The following ATRX variants were observed in gnomAD, a reference collection of about 807,000 sequenced individuals.
ATRX encodes the protein ATRX chromatin remodeler.
ATRX carries 12 observed loss-of-function variants against 172.6 expected under a neutral mutation model. The ratio of observed to expected loss-of-function variants is 0.07; its 90% CI spans 0.04 to 0.11. ATRX has a LOEUF of 0.11. Among genes scored for constraint, ATRX ranks in the 10% least tolerant of loss-of-function variants. The probability of loss-of-function intolerance (pLI) is 1.00; values close to 1 mark genes in which losing one functional copy is unlikely to be tolerated. For missense variants in ATRX, 1,368 were observed against 1,767.4 expected, an observed-to-expected ratio of 0.77 and a Z score of 4.05; for synonymous variants, 674 against 594.7, an observed-to-expected ratio of 1.13 and a Z score of -1.94.
At chrX:77,689,586 T>C (rs1431899125) in intron 6 of ATRX, among the ~76,000 whole-genome samples, 1 of 112,001 alleles carries the variant, frequency 8.9e-6, no homozygotes, top group Non-Finnish European at 1.9e-5. Flanking sequence ...CAGCAAAACA[T>C]CAGAACGACT....
intron 22 of ATRX, among the ~76,000 whole-genome samples, chrX:77,607,300 G>T (rs1479352636): frequency 2.7e-5 from 3 of 112,409 alleles, no homozygotes; most frequent in African/African-American, 3.2e-5. Flanking sequence ...AAAGTGGCAA[G>T]TAACAAAATC....
chrX:77,706,749 A>T (rs782585947), intron 2 of ATRX, among the ~76,000 whole-genome samples: 13 of 110,157 alleles, frequency 1.2e-4, no homozygotes, highest in African/African-American at 2.6e-4. Context: ...AATAAAAAAA[A>T]AAAAATACTA....
intron 13 of ATRX, among the ~76,000 whole-genome samples, chrX:77,655,540 G>C (rs1328939905): frequency 2.7e-5 from 3 of 110,484 alleles, no homozygotes; most frequent in Non-Finnish European, 5.7e-5. Flanking sequence ...TAGAGTACGA[G>C]GGCATGGGGA....
At position 77,583,448 on chromosome X, in the gene ATRX, T is replaced by G. The variant is rs781885326; in HGVS notation, c.6217+6386A>C. On this transcript the variant is annotated intron_variant, in intron 27 of 34. Transcript: ENST00000373344. Reference sequence around the variant, plus strand: ...CTGAAGCAGGAGAATCACTTGAACCTGCAAGGCAGAGACTGCGGTGAGCCA... The same window carrying G: ...CTGAAGCAGGAGAATCACTTGAACCGGCAAGGCAGAGACTGCGGTGAGCCA... Among the ~76,000 whole-genome samples, 93 of 110,474 alleles carry G rather than the reference T, an allele frequency of 8.4e-4. 1 individual carries two copies. Among genetic ancestry groups the G allele is most frequent in the African/African-American group, 2.6e-3 (80 of 30,390 alleles).
rs782482321 is a variant in ATRX, at chrX:77,578,679, T to C, written c.6218-4321A>G. ...TTGTGGGGCATGGATTAGACAGAAA[T>C]GTGTTAGGTTATGGTGAGACCCAGC... On this transcript the variant is annotated intron_variant, in intron 27 of 34. Transcript: ENST00000373344. 4.5e-5 allele frequency among the ~76,000 whole-genome samples: 5 copies of C among 111,824 alleles called. No individual in the cohort carries two copies. In the South Asian group the frequency reaches 1.9e-3, roughly 42 times the overall value.
chrX:77,758,605 A>T, intron 1 of ATRX, among the ~76,000 whole-genome samples: 1 of 108,935 alleles, frequency 9.2e-6, no homozygotes, highest in Non-Finnish European at 1.9e-5. Context: ...AAAATACAAA[A>T]AAATTAGCCG....
At chrX:77,537,023 G>A (rs1490653980) in intron 30 of ATRX, among the ~76,000 whole-genome samples, 3 of 111,943 alleles carry the variant, frequency 2.7e-5, no homozygotes, top group Non-Finnish European at 5.6e-5. Flanking sequence ...AGCCACATGT[G>A]ACTACTGAGT....
intron 1 of ATRX, among the ~76,000 whole-genome samples, chrX:77,766,485 G>A (rs1340747622): frequency 1.9e-5 from 2 of 106,174 alleles, no homozygotes; most frequent in African/African-American, 7.0e-5. Flanking sequence ...CCACGCAGAG[G>A]GTCTCCTCAC....
At chrX:77,640,523 T>C (rs1379561859) in intron 15 of ATRX, among the ~76,000 whole-genome samples, 1 of 111,160 alleles carries the variant, frequency 9.0e-6, no homozygotes, top group Non-Finnish European at 1.9e-5. Context: ...CTGCTTCCAG[T>C]CATGATGGTT....
chrX:77,716,320 AAAAAT>A (rs1383727581), intron 2 of ATRX, among the ~76,000 whole-genome samples: 7 of 57,410 alleles, frequency 1.2e-4, no homozygotes, highest in African/African-American at 1.6e-4. Flanking sequence ...AAAAAAAAAA[AAAAAT>A]ATATATATAT....
rs782726681 is a variant in ATRX, at chrX:77,784,544, T to C, written c.20+1438A>G. On this transcript the variant is annotated intron_variant, in intron 1 of 34. Transcript: ENST00000373344. ...GGTACACCATCCATGCATATGAACA[T>C]GAGTGCCTGGTAATTACAGGCCAAC... Among the ~76,000 whole-genome samples the C allele has an allele frequency of 7.1e-5, 8 of 111,950 alleles. No individual in the cohort carries two copies. The South Asian group carries it at 2.9e-3, about 41-fold the overall frequency.
At chrX:77,716,184 A>G (rs1355027110) in intron 2 of ATRX, among the ~76,000 whole-genome samples, 3 of 84,110 alleles carry the variant, frequency 3.6e-5, no homozygotes, top group African/African-American at 5.3e-5. Flanking sequence ...CTGTAATCCC[A>G]GCTACCGGGA....
intron 28 of ATRX, among the ~76,000 whole-genome samples, chrX:77,570,232 G>A (rs2065362086): frequency 9.1e-6 from 1 of 109,699 alleles, no homozygotes. Context: ...AGGCTGGAGT[G>A]AAGTGGTACA....
intron 28 of ATRX, among the ~76,000 whole-genome samples, chrX:77,570,649 A>T (rs1164024802): frequency 8.9e-6 from 1 of 112,019 alleles, no homozygotes; most frequent in African/African-American, 3.2e-5. Context: ...TTTGAGGAAG[A>T]GTTCTTAGAC....
At chrX:77,779,091 A>ATTTTTT (rs1169146207) in intron 1 of ATRX, among the ~76,000 whole-genome samples, 7 of 62,736 alleles carry the variant, frequency 1.1e-4, no homozygotes, top group African/African-American at 2.6e-4. Context: ...CCATGCCCGG[A>ATTTTTT]TTTTTTTTTT....
intron 19 of ATRX, among the ~76,000 whole-genome samples, chrX:77,624,825 C>T (rs532433454): frequency 9.0e-6 from 1 of 111,522 alleles, no homozygotes; most frequent in South Asian, 3.8e-4. Context: ...CTGCCAAAAG[C>T]AATCTACAAA....
rs143414088 is a variant in ATRX at position 77,721,624 on chromosome X, G to A, written c.21-4381C>T. 7.6e-3 allele frequency among the ~76,000 whole-genome samples: 846 copies of A among 111,459 alleles called. 9 individuals carry two copies. The highest frequency in any genetic ancestry group is 0.026 in the African/African-American group (810 of 30,665). ...GAATACAACTTACAAGGGATGTGAA[G>A]GACCTCTTCAAGGAGAACTACAAAC... On this transcript the variant is annotated intron_variant, in intron 1 of 34. Transcript: ENST00000373344.
intron 28 of ATRX, 24 bp from the exon 29 acceptor site, chrX:77,558,870 A>C: frequency 9.1e-7 from 1 of 1,102,677 alleles, no homozygotes; most frequent in Non-Finnish European, 1.3e-6. Flanking sequence ...TATAGAATAA[A>C]TGCTTCAGTA....
intron 25 of ATRX, 101 bp downstream of exon 25, chrX:77,599,310 C>CTCAA: frequency 1.1e-6 from 1 of 938,176 alleles, no homozygotes; most frequent in East Asian, 3.1e-5. Context: ...GGAAAGATTC[C>CTCAA]TTTGAGTCAA....
Sources: gnomAD v4.1 joint callset for allele counts (sites outside exome capture counted in the v4.1 genomes callset) on GRCh38, gnomAD v4.1.1 for gene constraint, MANE v1.5 for transcripts, NCBI Gene and HGNC (gene_info 2026-07-23, HGNC 2026-07-21) for gene names.